Variants in ANOS1 observed in about 807,000 individuals in gnomAD.
The protein encoded by ANOS1 is anosmin 1.
In ANOS1, 6 loss-of-function variants were observed where a neutral mutation model predicts 59.0. That is an observed-to-expected ratio of 0.10 (90% CI 0.06 to 0.20). The LOEUF (loss-of-function observed/expected upper bound fraction) is 0.20, where lower values mean the gene tolerates loss of function less well. ANOS1 is among the 10% of genes least tolerant of loss of function. The probability of loss-of-function intolerance (pLI) is 1.00; values close to 1 mark genes in which losing one functional copy is unlikely to be tolerated. For missense variants in ANOS1, 433 were observed against 542.3 expected (o/e 0.80, Z 2.00); for synonymous variants, 217 against 223.4 (o/e 0.97, Z 0.25).
intron 6 of ANOS1, among the ~76,000 whole-genome samples, chrX:8,575,555 T>C (rs1930305726): frequency 9.0e-6 from 1 of 111,352 alleles, no homozygotes; most frequent in Non-Finnish European, 1.9e-5. Context: ...CCCTGGAAAA[T>C]TTTTCTTAGA....
intron 2 of ANOS1, among the ~76,000 whole-genome samples, chrX:8,658,998 G>A (rs1931979679): frequency 3.6e-5 from 4 of 111,589 alleles, no homozygotes; most frequent in South Asian, 7.5e-4. Context: ...GGAGGCCGAG[G>A]CGGGCGGATC....
chrX:8,603,813 C>T (rs1328303330), intron 3 of ANOS1, among the ~76,000 whole-genome samples: 1 of 112,034 alleles, frequency 8.9e-6, no homozygotes, highest in East Asian at 2.8e-4. Context: ...GAATGGGGGG[C>T]TTCGCTTCCT....
At chrX:8,595,629 C>A (rs1309566179) in intron 4 of ANOS1, among the ~76,000 whole-genome samples, 1 of 111,852 alleles carries the variant, frequency 8.9e-6, no homozygotes, top group African/African-American at 3.2e-5. Context: ...TCTTTATACA[C>A]ATTTTTTTTA....
At chrX:8,718,199 T>C (rs181251865) in intron 1 of ANOS1, among the ~76,000 whole-genome samples, 29 of 111,921 alleles carry the variant, frequency 2.6e-4, no homozygotes, top group Non-Finnish European at 4.9e-4. Flanking sequence ...TAGTTCCAAA[T>C]GACTTTTCTG....
chrX:8,708,282 GAAC>G (rs1260634111), intron 1 of ANOS1, among the ~76,000 whole-genome samples: 1 of 111,314 alleles, frequency 9.0e-6, no homozygotes, highest in African/African-American at 3.3e-5. Context: ...CAGTTTAAAG[GAAC>G]AATAGAAATG....
rs775264583 is a variant in ANOS1, at chrX:8,532,838, C to T, written c.*157G>A. ...ACTGTTTCTCACTTGTCTCCAGATG[C>T]GTCCATGATTGACAGAAGTTCTTCC... is the stretch of plus-strand genomic sequence containing the variant. On this transcript the variant is annotated 3_prime_UTR_variant, in exon 14 of 14. Coordinates refer to ENST00000262648, the MANE Select transcript of ANOS1 (RefSeq NM_000216.4). 68 of 450,726 alleles carry T rather than the reference C, an allele frequency of 1.5e-4. No homozygotes were observed. The highest frequency in any genetic ancestry group is 2.4e-4 in the Non-Finnish European group (60 of 251,441). The allele number at this position is 450,726 out of a possible 1,213,427, so 37.1% of individuals were successfully genotyped here.
chrX:8,622,928 A>G (rs1931317208), intron 3 of ANOS1, among the ~76,000 whole-genome samples: 1 of 111,931 alleles, frequency 8.9e-6, no homozygotes, highest in Admixed American at 9.5e-5. Flanking sequence ...ACAAGGGTGG[A>G]TGGCTGGATG....
chrX:8,571,331 T>C (rs1380068238), intron 6 of ANOS1, among the ~76,000 whole-genome samples: 2 of 111,222 alleles, frequency 1.8e-5, no homozygotes, highest in Admixed American at 1.9e-4. Context: ...TAGTAAAATA[T>C]AGTACAATTC....
At chrX:8,731,743 C>A in intron 1 of ANOS1, 87 bp downstream of exon 1, 5 of 1,129,032 alleles carry the variant, frequency 4.4e-6, no homozygotes, top group East Asian at 3.7e-5. Context: ...GAGAACTTTG[C>A]GAGCCCAGGC....
At chrX:8,652,948 C>T (rs754277964) in intron 2 of ANOS1, among the ~76,000 whole-genome samples, 4 of 110,807 alleles carry the variant, frequency 3.6e-5, no homozygotes, top group South Asian at 3.9e-4. Context: ...CTCTGTCTCC[C>T]GGGTTCAAGC....
intron 2 of ANOS1, among the ~76,000 whole-genome samples, chrX:8,685,069 G>A (rs749317236): frequency 3.6e-5 from 4 of 111,060 alleles, no homozygotes; most frequent in Non-Finnish European, 7.5e-5. Context: ...TGCAAACAGT[G>A]CTCCTTATGT....
chrX:8,536,207 TTTTTTTTTTA>T (rs1278663933), intron 11 of ANOS1, among the ~76,000 whole-genome samples: 1,020 of 79,018 alleles, frequency 0.013, 32 homozygotes, highest in Non-Finnish European at 0.019. Context: ...TTTTTTTTTT[TTTTTTTTTTA>T]AAAGGTGAGA....
At chrX:8,615,962 T>G (rs1931166686) in intron 3 of ANOS1, among the ~76,000 whole-genome samples, 1 of 110,838 alleles carries the variant, frequency 9.0e-6, no homozygotes, top group African/African-American at 3.3e-5. Context: ...AAAATATAAT[T>G]ATTTCTCTAC....
rs564190400 is a variant in ANOS1, at chrX:8,582,287, C to T, written c.856+2980G>A. Among the ~76,000 whole-genome samples the T allele has an allele frequency of 5.6e-4, 63 of 112,397 alleles. No individual in the cohort carries two copies. The South Asian group carries it at 0.022, about 39-fold the overall frequency. On this transcript the variant is annotated intron_variant, in intron 6 of 13. Transcript: ENST00000262648. Reference sequence around the variant, plus strand: ...AGTAGCATGGCTAAAGATGGTTTTGCTGGAATAGAGATATTTGTATAAAGA... The same window carrying T: ...AGTAGCATGGCTAAAGATGGTTTTGTTGGAATAGAGATATTTGTATAAAGA...
intron 3 of ANOS1, among the ~76,000 whole-genome samples, chrX:8,613,275 A>G (rs1160652430): frequency 1.8e-5 from 2 of 110,315 alleles, no homozygotes; most frequent in Non-Finnish European, 3.8e-5. Context: ...TGGCACGAAC[A>G]TGGCTCGCTA....
At chrX:8,635,143 C>T (rs1931551517) in intron 2 of ANOS1, among the ~76,000 whole-genome samples, 1 of 110,816 alleles carries the variant, frequency 9.0e-6, no homozygotes, top group African/African-American at 3.3e-5. Flanking sequence ...TTACAAAACA[C>T]AGGAAACGAG....
chrX:8,535,450 G>C, intron 12 of ANOS1, 141 bp downstream of exon 12: 1 of 491,614 alleles, frequency 2.0e-6, no homozygotes, highest in Non-Finnish European at 3.5e-6. Context: ...GCTTGCAAAA[G>C]ATACACTCAG....
At chrX:8,687,658 G>A (rs1262697564) in intron 2 of ANOS1, among the ~76,000 whole-genome samples, 1 of 109,521 alleles carries the variant, frequency 9.1e-6, no homozygotes, top group East Asian at 2.9e-4. Flanking sequence ...CATGTTTTGA[G>A]TAGTGAATCT....
intron 3 of ANOS1, among the ~76,000 whole-genome samples, chrX:8,607,413 C>A (rs944872747): frequency 2.0e-4 from 22 of 111,944 alleles, no homozygotes; most frequent in African/African-American, 7.1e-4. Context: ...AGTCACTTTT[C>A]TACAAGTACA....
Sources: allele counts gnomAD v4.1 joint callset (sites outside exome capture counted in the v4.1 genomes callset), GRCh38; gene constraint gnomAD v4.1.1; transcripts MANE v1.5; gene names NCBI Gene and HGNC (gene_info 2026-07-23, HGNC 2026-07-21).